ESR1: variants seen among roughly 807,000 people sequenced by gnomAD.
ESR1 encodes the protein estrogen receptor.
Under a neutral mutation model 52.7 loss-of-function variants are expected in ESR1, and 12 were observed. That is an observed-to-expected ratio of 0.23 (90% CI 0.15 to 0.37). ESR1 has a LOEUF of 0.37. ESR1 is among the 10% of genes least tolerant of loss of function. ESR1 has a pLI of 1.00. For missense variants in ESR1, 584 were observed against 779.7 expected (o/e 0.75, Z 2.99); for synonymous variants, 305 against 316.8 (o/e 0.96, Z 0.39).
chr6:151,909,010 A>C (rs1266285774), intron 3 of ESR1, among the ~76,000 whole-genome samples: 1 of 152,146 alleles, frequency 6.6e-6, no homozygotes, highest in Non-Finnish European at 1.5e-5. Context: ...TGTTCTGAAA[A>C]ATCTCAAAGT....
intron 4 of ESR1, among the ~76,000 whole-genome samples, chr6:151,945,038 A>C (rs1200084778): frequency 6.6e-6 from 1 of 152,130 alleles, no homozygotes; most frequent in African/African-American, 2.4e-5. Flanking sequence ...CAACGTGGCG[A>C]AACCCTGTCT....
intron 2 of ESR1, among the ~76,000 whole-genome samples, chr6:151,796,181 A>T (rs1345545354): frequency 6.6e-6 from 1 of 151,462 alleles, no homozygotes; most frequent in Non-Finnish European, 1.5e-5. Context: ...AAAAAAAAAG[A>T]AAACAGAACA....
At chr6:151,861,897 G>A (rs1235524472) in intron 2 of ESR1, among the ~76,000 whole-genome samples, 3 of 152,094 alleles carry the variant, frequency 2.0e-5, no homozygotes, top group African/African-American at 7.2e-5. Context: ...CTGCATAAAT[G>A]TAGCCTAACA....
At chr6:151,673,670 G>C (rs944437798) in intron 1 of ESR1, among the ~76,000 whole-genome samples, 3 of 152,070 alleles carry the variant, frequency 2.0e-5, no homozygotes, top group African/African-American at 7.2e-5. Flanking sequence ...ATCACTTAAG[G>C]CCAGAAATTT....
At chr6:151,729,789 C>T (rs943682561) in intron 2 of ESR1, among the ~76,000 whole-genome samples, 2 of 152,006 alleles carry the variant, frequency 1.3e-5, no homozygotes, top group Non-Finnish European at 2.9e-5. Flanking sequence ...TCTTTCTAGT[C>T]AGGAGGAATT....
rs1796806496 is a variant in ESR1, at chr6:151,902,281, AC to A, written c.760+21512del. Among the ~76,000 whole-genome samples the A allele has an allele frequency of 2.0e-5, 3 of 152,130 alleles. No homozygotes were observed. The East Asian group carries it at 5.8e-4, about 29-fold the overall frequency. On this transcript the variant is annotated intron_variant, in intron 3 of 7. Coordinates refer to ENST00000206249, the MANE Select transcript of ESR1 (RefSeq NM_000125.4). ...AAATTCCTGCTGTATCACCTCACCC[AC>A]CAGTTTTGATCTTGCTCTCAGGGAT...
intron 2 of ESR1, among the ~76,000 whole-genome samples, chr6:151,879,287 G>GA (rs1792375718): frequency 6.6e-6 from 1 of 152,190 alleles, no homozygotes; most frequent in Non-Finnish European, 1.5e-5. Context: ...GATGTGGACT[G>GA]AAAAATACCT....
At chr6:151,986,509 A>G (rs2040498514) in intron 4 of ESR1, among the ~76,000 whole-genome samples, 1 of 152,088 alleles carries the variant, frequency 6.6e-6, no homozygotes, top group South Asian at 2.1e-4. Flanking sequence ...TCTTAGTAAG[A>G]TTATAAAAGT....
At chr6:152,070,723 C>T (rs1309723172) in intron 6 of ESR1, among the ~76,000 whole-genome samples, 1 of 139,002 alleles carries the variant, frequency 7.2e-6, no homozygotes, top group Non-Finnish European at 1.5e-5. Flanking sequence ...CATGGCCTCC[C>T]CCATGGGGTC....
At chr6:151,897,514 T>C (rs1426062952) in intron 3 of ESR1, among the ~76,000 whole-genome samples, 1 of 152,266 alleles carries the variant, frequency 6.6e-6, no homozygotes, top group African/African-American at 2.4e-5. Flanking sequence ...TACTTGCTTT[T>C]GGTGTCCATT....
chr6:152,098,328 C>G lies in ESR1; in HGVS notation c.1554-404C>G, dbSNP rs567996280. ...TACTCATTTAAAATACCCACTCCTG[C>G]TTGGCTGAATATCTCATGTTGTCTT... On this transcript the variant is annotated intron_variant, in intron 7 of 7. Coordinates refer to ENST00000206249, the MANE Select transcript of ESR1 (RefSeq NM_000125.4). This position sits in a 1 kb window ranked among gnomAD's most constrained non-coding sequence, Gnocchi z 5.1. Among the ~76,000 whole-genome samples the G allele has an allele frequency of 6.6e-6, 1 of 152,124 alleles. No individual in the cohort carries two copies. Among genetic ancestry groups the G allele is most frequent in the South Asian group, 2.1e-4 (1 of 4,808 alleles).
chr6:151,687,582 A>G (rs1433287597), upstream of ESR1, among the ~76,000 whole-genome samples: 1 of 152,168 alleles, frequency 6.6e-6, no homozygotes, highest in Admixed American at 6.5e-5. Flanking sequence ...CTGATTTTTT[A>G]TTTTAGCCTG....
intron 2 of ESR1, among the ~76,000 whole-genome samples, chr6:151,752,399 T>C (rs1431302732): frequency 1.3e-5 from 2 of 152,164 alleles, no homozygotes; most frequent in Admixed American, 1.3e-4. Context: ...AACTGCATTA[T>C]TTTTAAATAC....
chr6:151,987,258 A>T (rs1213403971), intron 4 of ESR1, among the ~76,000 whole-genome samples: 1 of 151,912 alleles, frequency 6.6e-6, no homozygotes, highest in Non-Finnish European at 1.5e-5. Flanking sequence ...AGTCTTTTTT[A>T]AAATTATTCT....
At chr6:151,777,826 G>A (rs1189794804) in intron 2 of ESR1, among the ~76,000 whole-genome samples, 1 of 152,116 alleles carries the variant, frequency 6.6e-6, no homozygotes, top group African/African-American at 2.4e-5. Context: ...CGGGCACGGT[G>A]GTGCATGCCT....
intron 2 of ESR1, among the ~76,000 whole-genome samples, chr6:151,773,254 A>G (rs1443621444): frequency 2.0e-5 from 3 of 152,222 alleles, no homozygotes; most frequent in Admixed American, 6.5e-5. Context: ...AAAGATTGCC[A>G]GCAAACCCCC....
chr6:151,796,538 A>T (rs1776733360), intron 2 of ESR1, among the ~76,000 whole-genome samples: 1 of 152,244 alleles, frequency 6.6e-6, no homozygotes, highest in Admixed American at 6.5e-5. Context: ...CAATTTTAAA[A>T]TGAAATGGCA....
intron 3 of ESR1, among the ~76,000 whole-genome samples, chr6:151,898,405 CT>C (rs1175001141): frequency 6.8e-4 from 67 of 98,852 alleles, no homozygotes; most frequent in East Asian, 2.0e-3. Flanking sequence ...TTTTTCTTTT[CT>C]TTTTTTTTTT....
At position 151,856,403 on chromosome 6, in the gene ESR1, T is replaced by C. The variant is rs544243424; in HGVS notation, c.643+13616T>C. Among the ~76,000 whole-genome samples the C allele has an allele frequency of 4.6e-5, 7 of 152,344 alleles. No individual in the cohort carries two copies. The East Asian group carries it at 9.6e-4, about 21-fold the overall frequency. ...TGGCTTTACTTCTATGGGATATTTA[T>C]GAAAGGATGTTTTTAAAAATGGCTA... On this transcript the variant is annotated intron_variant, in intron 2 of 7. Coordinates refer to ENST00000206249, the MANE Select transcript of ESR1 (RefSeq NM_000125.4).
Sources: allele counts gnomAD v4.1 joint callset (sites outside exome capture counted in the v4.1 genomes callset), GRCh38; gene constraint gnomAD v4.1.1; non-coding constraint Gnocchi (gnomAD v3.1); transcripts MANE v1.5; gene names NCBI Gene and HGNC (gene_info 2026-07-23, HGNC 2026-07-21).